FAF1: variants seen among roughly 807,000 people sequenced by gnomAD.
FAF1 encodes FAS-associated factor 1.
Under a neutral mutation model 92.5 loss-of-function variants are expected in FAF1, and 25 were observed. The observed-to-expected ratio is 0.27, with a 90% confidence interval of 0.20 to 0.38. FAF1 has a LOEUF of 0.38. Among genes scored for constraint, FAF1 ranks in the 10% least tolerant of loss-of-function variants. The pLI, the probability that FAF1 is intolerant of heterozygous loss-of-function variation, is 1.00. For missense variants in FAF1, 636 were observed against 793.3 expected (o/e 0.80, Z 2.38); for synonymous variants, 234 against 273.2 (o/e 0.86, Z 1.42).
At chr1:50,753,378 TACA>T (rs2124513670) in intron 4 of FAF1, among the ~76,000 whole-genome samples, 1 of 152,382 alleles carries the variant, frequency 6.6e-6, no homozygotes, top group East Asian at 1.9e-4. Flanking sequence ...TGTATGCATA[TACA>T]ACAATTTGGT....
At chr1:50,617,580 G>A (rs763955280) in intron 8 of FAF1, among the ~76,000 whole-genome samples, 4 of 151,512 alleles carry the variant, frequency 2.6e-5, no homozygotes, top group Non-Finnish European at 4.4e-5. Context: ...TTGCATCTTT[G>A]TTCATCAGAG....
chr1:50,528,265 G>C (rs1647948864), intron 15 of FAF1, among the ~76,000 whole-genome samples: 1 of 152,092 alleles, frequency 6.6e-6, no homozygotes, highest in Non-Finnish European at 1.5e-5. Flanking sequence ...TTTACCTTGA[G>C]TGTACTTATA....
chr1:50,774,440 A>G (rs1660881872), intron 4 of FAF1, among the ~76,000 whole-genome samples: 1 of 152,208 alleles, frequency 6.6e-6, no homozygotes, highest in African/African-American at 2.4e-5. Context: ...CTGGTTTGAA[A>G]CAACCTGAAC....
At chr1:50,538,808 A>G (rs997548066) in intron 14 of FAF1, among the ~76,000 whole-genome samples, 5 of 152,140 alleles carry the variant, frequency 3.3e-5, no homozygotes, top group African/African-American at 1.2e-4. Context: ...AGAAAACATA[A>G]AATGCTAGAG....
chr1:50,846,556 G>A (rs1644302968), intron 2 of FAF1: 2 of 516,806 alleles, frequency 3.9e-6, no homozygotes, highest in Non-Finnish European at 7.7e-6. Context: ...AGGTTCTGAT[G>A]GAAAAAGGAG....
At chr1:50,846,562 A>C in intron 2 of FAF1, 1 of 520,390 alleles carries the variant, frequency 1.9e-6, no homozygotes, top group Non-Finnish European at 3.8e-6. Flanking sequence ...TGATGGAAAA[A>C]GGAGCAATAG....
At position 50,439,709 on chromosome 1, in the gene FAF1, G is replaced by C. The variant is rs1646151684; in HGVS notation, c.*1731C>G. ...CAAGGTCTACCTAGAAAAAAAAAGA[G>C]GTGGTGCCCTGGTGCATCTGTAGCA... On this transcript the variant is annotated 3_prime_UTR_variant, in exon 19 of 19. Transcript: ENST00000396153. 1 of 152,160 alleles carries C rather than the reference G, an allele frequency of 6.6e-6. No individual in the cohort carries two copies. Among genetic ancestry groups the C allele is most frequent in the African/African-American group, 2.4e-5 (1 of 41,424 alleles). The allele number at this position is 152,160 out of a possible 1,614,324, so 9.4% of individuals were successfully genotyped here. A position where few individuals can be genotyped will look rare whatever the true frequency, so the allele number is the denominator to read the frequency against.
intron 7 of FAF1, among the ~76,000 whole-genome samples, chr1:50,704,395 A>C (rs2124421539): frequency 6.6e-6 from 1 of 152,296 alleles, no homozygotes; most frequent in South Asian, 2.1e-4. Context: ...TCAAGTCAGC[A>C]ATAAAATGAA....
chr1:50,657,732 AAT>A (rs1335735315), intron 7 of FAF1, among the ~76,000 whole-genome samples: 2 of 152,240 alleles, frequency 1.3e-5, no homozygotes, highest in Non-Finnish European at 2.9e-5. Context: ...ATTCCAGTGA[AAT>A]AGAGATACTA....
chr1:50,463,588 G>A (rs527869520), intron 18 of FAF1, among the ~76,000 whole-genome samples: 1 of 152,334 alleles, frequency 6.6e-6, no homozygotes, highest in South Asian at 2.1e-4. Flanking sequence ...AGCCCCAGTT[G>A]TCTAACCTGT....
chr1:50,693,591 A>G (rs1477023251), intron 7 of FAF1, among the ~76,000 whole-genome samples: 1 of 152,290 alleles, frequency 6.6e-6, no homozygotes, highest in Non-Finnish European at 1.5e-5. Context: ...GCATATGCAT[A>G]TAAGGTAAAA....
At chr1:50,651,808 TA>T (rs1234088182) in intron 8 of FAF1, among the ~76,000 whole-genome samples, 6 of 152,292 alleles carry the variant, frequency 3.9e-5, no homozygotes, top group African/African-American at 1.4e-4. Context: ...TCAGTAAGTA[TA>T]AAAACACCAC....
chr1:50,627,119 T>C (rs1409623337), intron 8 of FAF1, among the ~76,000 whole-genome samples: 3 of 152,168 alleles, frequency 2.0e-5, no homozygotes, highest in African/African-American at 7.2e-5. Flanking sequence ...AAGGCTCTTC[T>C]GGAGCTAACA....
intron 4 of FAF1, among the ~76,000 whole-genome samples, chr1:50,767,326 C>T (rs1438127785): frequency 6.6e-6 from 1 of 152,162 alleles, no homozygotes; most frequent in Admixed American, 6.5e-5. Flanking sequence ...TAAGAGACCA[C>T]ATCTACATCT....
At chr1:50,588,835 G>C (rs1336425134) in intron 9 of FAF1, among the ~76,000 whole-genome samples, 1 of 152,160 alleles carries the variant, frequency 6.6e-6, no homozygotes, top group Non-Finnish European at 1.5e-5. Flanking sequence ...CTGGTGTAGA[G>C]GCTGGCTGCA....
At chr1:50,859,863 A>T (rs1422202432) in intron 1 of FAF1, among the ~76,000 whole-genome samples, 1 of 151,932 alleles carries the variant, frequency 6.6e-6, no homozygotes, top group African/African-American at 2.4e-5. Context: ...TAAGGATACA[A>T]TAATCAAAAC....
At chr1:50,492,631 C>A (rs928016325) in intron 15 of FAF1, among the ~76,000 whole-genome samples, 4 of 152,138 alleles carry the variant, frequency 2.6e-5, no homozygotes, top group African/African-American at 9.6e-5. Flanking sequence ...GTGTAGGTTC[C>A]CTTTTTGGTC....
intron 6 of FAF1, among the ~76,000 whole-genome samples, chr1:50,723,547 G>A (rs941566929): frequency 6.6e-6 from 1 of 152,140 alleles, no homozygotes; most frequent in Admixed American, 6.6e-5. Flanking sequence ...AGAGTAGAGT[G>A]GCTAGAATGG....
intron 2 of FAF1, among the ~76,000 whole-genome samples, chr1:50,852,567 A>AGG (rs1644359665): frequency 6.6e-6 from 1 of 152,198 alleles, no homozygotes; most frequent in South Asian, 2.1e-4. Context: ...AAAAGCCAGT[A>AGG]CAGAGAAGAA....
Sources: gnomAD v4.1 joint callset for allele counts (sites outside exome capture counted in the v4.1 genomes callset) on GRCh38, gnomAD v4.1.1 for gene constraint, MANE v1.5 for transcripts, NCBI Gene and HGNC (gene_info 2026-07-23, HGNC 2026-07-21) for gene names.